The following ASIC2 variants were observed in gnomAD, a reference collection of about 807,000 sequenced individuals.
ASIC2 encodes the protein acid sensing ion channel subunit 2.
In ASIC2, 25 loss-of-function variants were observed where a neutral mutation model predicts 57.3. The observed-to-expected ratio is 0.44, with a 90% CI of 0.32 to 0.61. The LOEUF (loss-of-function observed/expected upper bound fraction) is 0.61, where lower values mean the gene tolerates loss of function less well. Ranked by LOEUF, ASIC2 falls within the 20% of genes least tolerant of loss-of-function variation. The pLI is 0.06. For missense variants in ASIC2, 641 were observed against 738.1 expected (o/e 0.87, Z 1.52); for synonymous variants, 319 against 307.5 (o/e 1.04, Z -0.39).
intron 3 of ASIC2, among the ~76,000 whole-genome samples, chr17:33,037,589 G>A (rs1236379482): frequency 6.6e-6 from 1 of 151,994 alleles, no homozygotes; most frequent in East Asian, 1.9e-4. Flanking sequence ...GTTTATCCGG[G>A]TAAGCAAAGA....
intron 1 of ASIC2, among the ~76,000 whole-genome samples, chr17:33,688,248 T>C (rs1420193622): frequency 3.3e-5 from 5 of 152,162 alleles, no homozygotes; most frequent in Non-Finnish European, 7.4e-5. Context: ...TGTAGTTGTG[T>C]GTGTTTAGAT....
In ASIC2 at chr17:33,306,638, G is replaced by A. The variant is rs1016722121; in HGVS notation, c.556-194571C>T. On this transcript the variant is annotated intron_variant, in intron 1 of 9. Transcript: ENST00000359872. ...GCATGGCCTGAGATCCATTCTCATCGCTACTACCTTGGTTCAGCTCTTGTT... is the reference window on the plus strand; with the variant it reads ...GCATGGCCTGAGATCCATTCTCATCACTACTACCTTGGTTCAGCTCTTGTT... 3.3e-5 allele frequency among the ~76,000 whole-genome samples: 5 copies of A among 152,072 alleles called. No individual in the cohort carries two copies. The South Asian group carries it at 6.2e-4, about 19-fold the overall frequency.
intron 1 of ASIC2, among the ~76,000 whole-genome samples, chr17:33,782,633 G>A (rs985919182): frequency 5.3e-5 from 8 of 152,144 alleles, no homozygotes; most frequent in Admixed American, 4.6e-4. Context: ...GGAGGCTTAG[G>A]TGAGAGGGTT....
At chr17:33,958,378 CT>C in intron 1 of ASIC2, among the ~76,000 whole-genome samples, 1 of 152,222 alleles carries the variant, frequency 6.6e-6, no homozygotes, top group Non-Finnish European at 1.5e-5. Flanking sequence ...AGCAGAGGTT[CT>C]CCATGAGGGC....
intron 1 of ASIC2, among the ~76,000 whole-genome samples, chr17:33,388,658 C>T (rs1909782425): frequency 6.6e-6 from 1 of 152,248 alleles, no homozygotes; most frequent in African/African-American, 2.4e-5. Flanking sequence ...AGACCTGCCT[C>T]TCATGGTAAT....
intron 1 of ASIC2, among the ~76,000 whole-genome samples, chr17:33,896,774 G>A (rs1341336083): frequency 2.0e-5 from 3 of 152,228 alleles, no homozygotes; most frequent in African/African-American, 7.2e-5. Context: ...TTACCCCATA[G>A]ATTACAATTC....
rs35549047 is a variant in ASIC2, at chr17:33,859,501, A to T, written c.555+296477T>A. 7.4e-3 allele frequency among the ~76,000 whole-genome samples: 1,134 copies of T among 152,328 alleles called. 12 individuals carry two copies. The highest frequency in any genetic ancestry group is 0.031 in the South Asian group (149 of 4,834). ...CAATCAGAGATTAAGCAGCTTGTCC[A>T]GTATCACACTGGGAGCAACTGACAG... On this transcript the variant is annotated intron_variant, in intron 1 of 9. Coordinates refer to the ASIC2 transcript ENST00000359872.
intron 1 of ASIC2, among the ~76,000 whole-genome samples, chr17:33,673,200 G>A (rs1270329201): frequency 1.3e-5 from 2 of 152,120 alleles, no homozygotes; most frequent in Non-Finnish European, 2.9e-5. Flanking sequence ...AGAAACTGAG[G>A]ATGGGATGAC....
intron 1 of ASIC2, among the ~76,000 whole-genome samples, chr17:33,870,989 G>A (rs997002676): frequency 6.6e-6 from 1 of 150,842 alleles, no homozygotes; most frequent in African/African-American, 2.5e-5. Flanking sequence ...CCCACCCCCT[G>A]AGATGCTGGC....
At chr17:33,140,592 C>T (rs1036240377) in intron 1 of ASIC2, among the ~76,000 whole-genome samples, 1 of 152,166 alleles carries the variant, frequency 6.6e-6, no homozygotes, top group Non-Finnish European at 1.5e-5. Flanking sequence ...ATTTCCTCCA[C>T]CCAAGGGGCC....
At chr17:33,300,436 G>T (rs905259656) in intron 1 of ASIC2, among the ~76,000 whole-genome samples, 1 of 151,862 alleles carries the variant, frequency 6.6e-6, no homozygotes, top group African/African-American at 2.4e-5. Context: ...AGGACAGCAG[G>T]TCCTATGACA....
intron 1 of ASIC2, among the ~76,000 whole-genome samples, chr17:33,676,043 A>G (rs1298851052): frequency 6.6e-6 from 1 of 152,096 alleles, no homozygotes; most frequent in Non-Finnish European, 1.5e-5. Flanking sequence ...AAACTTTCTT[A>G]TTATTACTGT....
At chr17:33,148,865 A>T (rs1904668773) in intron 1 of ASIC2, among the ~76,000 whole-genome samples, 1 of 152,198 alleles carries the variant, frequency 6.6e-6, no homozygotes, top group South Asian at 2.1e-4. Context: ...AGGCCAAGGC[A>T]GGCGGATCAT....
At chr17:33,330,087 A>G (rs2142224659) in intron 1 of ASIC2, among the ~76,000 whole-genome samples, 1 of 152,260 alleles carries the variant, frequency 6.6e-6, no homozygotes, top group East Asian at 1.9e-4. Flanking sequence ...GTTTGTATGC[A>G]TTTATTTTTA....
intron 3 of ASIC2, among the ~76,000 whole-genome samples, chr17:33,039,928 T>A (rs1424159385): frequency 2.0e-5 from 3 of 152,218 alleles, no homozygotes; most frequent in African/African-American, 7.2e-5. Context: ...AGCAGTTTCA[T>A]CCTATTCTGA....
chr17:33,412,922 A>G (rs1443020713), intron 1 of ASIC2, among the ~76,000 whole-genome samples: 2 of 152,156 alleles, frequency 1.3e-5, no homozygotes, highest in Non-Finnish European at 2.9e-5. Flanking sequence ...AGATGAGAAG[A>G]GCGTGCAAGG....
At chr17:33,970,997 G>A (rs1905213683) in intron 1 of ASIC2, among the ~76,000 whole-genome samples, 1 of 152,170 alleles carries the variant, frequency 6.6e-6, no homozygotes, top group Admixed American at 6.5e-5. Flanking sequence ...AATCTGAGAA[G>A]CCAAACTTGG....
chr17:33,640,489 G>C (rs1471687189), intron 1 of ASIC2, among the ~76,000 whole-genome samples: 2 of 152,208 alleles, frequency 1.3e-5, no homozygotes, highest in African/African-American at 4.8e-5. Flanking sequence ...ATCTCACAGA[G>C]AGAGCACGGA....
chr17:33,039,985 C>T (rs2091923629), intron 3 of ASIC2, among the ~76,000 whole-genome samples: 1 of 152,212 alleles, frequency 6.6e-6, no homozygotes, highest in Non-Finnish European at 1.5e-5. Context: ...CTCACTATAT[C>T]ATAGTATTTT....
Sources: gnomAD v4.1 joint callset for allele counts (sites outside exome capture counted in the v4.1 genomes callset) on GRCh38, gnomAD v4.1.1 for gene constraint, MANE v1.5 for transcripts, NCBI Gene and HGNC (gene_info 2026-07-23, HGNC 2026-07-21) for gene names.